The following PRIM2 variants were observed in gnomAD, a reference collection of about 807,000 sequenced individuals.
The protein encoded by PRIM2 is DNA primase subunit 2, also known as DNA primase large subunit.
PRIM2 carries 39 observed loss-of-function variants against 67.3 expected under a neutral mutation model. The ratio of observed to expected loss-of-function variants is 0.58; its 90% confidence interval spans 0.45 to 0.76. The LOEUF (loss-of-function observed/expected upper bound fraction) is 0.76, where lower values mean the gene tolerates loss of function less well. Among genes scored for constraint, PRIM2 ranks in the 30% least tolerant of loss-of-function variants. PRIM2 has a pLI of 0.00. For missense variants in PRIM2, 398 were observed against 598.7 expected, an observed-to-expected ratio of 0.66 and a Z score of 3.50; for synonymous variants, 143 against 198.7, an observed-to-expected ratio of 0.72 and a Z score of 2.36.
At position 57,481,110 on chromosome 6, in the gene PRIM2, C is replaced by T. The variant is rs1419560963; in HGVS notation, c.694-26277C>T. Among the ~76,000 whole-genome samples the T allele has an allele frequency of 6.5e-4, 99 of 152,284 alleles. No individual in the cohort carries two copies. The Middle Eastern group carries it at 0.01, about 16-fold the overall frequency. On this transcript the variant is annotated intron_variant, in intron 7 of 13. Transcript: ENST00000615550. Reference sequence around the variant, plus strand: ...TCTTACATTAACTATATTATAATATCAAAACCAAGAAGTTTACACTGGTAC... The same window carrying T: ...TCTTACATTAACTATATTATAATATTAAAACCAAGAAGTTTACACTGGTAC...
intron 7 of PRIM2, among the ~76,000 whole-genome samples, chr6:57,417,933 T>A (rs950173701): frequency 9.2e-5 from 14 of 152,284 alleles, no homozygotes; most frequent in Admixed American, 4.6e-4. Context: ...TTGGCAAGTA[T>A]ATGTGCAGCC....
chr6:57,507,685 A>G (rs1774278569), intron 8 of PRIM2, among the ~76,000 whole-genome samples: 1 of 152,170 alleles, frequency 6.6e-6, no homozygotes, highest in Non-Finnish European at 1.5e-5. Flanking sequence ...GAACTGCTTG[A>G]TAAGTTTAAG....
chr6:57,521,393 T>TTA (rs1554348911), intron 8 of PRIM2, among the ~76,000 whole-genome samples: 4 of 132,788 alleles, frequency 3.0e-5, no homozygotes, highest in Admixed American at 7.4e-5. Flanking sequence ...TTTTTTTTTT[T>TTA]AACACCCTAA....
chr6:57,354,848 G>GA (rs1768973689), intron 5 of PRIM2, among the ~76,000 whole-genome samples: 1 of 152,220 alleles, frequency 6.6e-6, no homozygotes, highest in Non-Finnish European at 1.5e-5. Flanking sequence ...AACTTTGTTT[G>GA]GCTTTTTTAT....
Position 57,409,794 on chromosome 6 carries a change from A to G in PRIM2, c.693+27626A>G, listed in dbSNP as rs1383076108. ...AACAATGTCTTTTGAAGAGCAACAA[A>G]GTTTTACAATTTGATTCAGTCTATT... On this transcript the variant is annotated intron_variant, in intron 7 of 13. Coordinates refer to ENST00000615550, the MANE Select transcript of PRIM2 (RefSeq NM_000947.5). Among the ~76,000 whole-genome samples the G allele has an allele frequency of 2.7e-5, 4 of 149,782 alleles. No homozygotes were observed. In the South Asian group the frequency reaches 8.6e-4, roughly 32 times the overall value.
chr6:57,259,353 AG>A, the PRIM2 span, among the ~76,000 whole-genome samples: 4 of 61,848 alleles, frequency 6.5e-5, no homozygotes, highest in African/African-American at 2.0e-4. Context: ...TCCTGGGACC[AG>A]TAGGTTGCCC....
intron 5 of PRIM2, among the ~76,000 whole-genome samples, chr6:57,361,880 G>A (rs1433874202): frequency 6.6e-6 from 1 of 151,490 alleles, no homozygotes; most frequent in African/African-American, 2.4e-5. Flanking sequence ...TATTTAATAT[G>A]GTCTACAAGG....
At chr6:57,580,278 A>G (rs1233148326) in intron 10 of PRIM2, among the ~76,000 whole-genome samples, 4 of 152,246 alleles carry the variant, frequency 2.6e-5, no homozygotes, top group African/African-American at 7.2e-5. Flanking sequence ...TGAAAGTTTT[A>G]AAACCTTAGA....
At chr6:57,395,465 G>C (rs545896252) in intron 7 of PRIM2, among the ~76,000 whole-genome samples, 106 of 152,188 alleles carry the variant, frequency 7.0e-4, no homozygotes, top group African/African-American at 2.5e-3. Context: ...GTTCATAGTA[G>C]CCTAGAATGA....
chr6:57,596,033 C>T (rs1180147328), intron 10 of PRIM2, among the ~76,000 whole-genome samples: 1 of 151,790 alleles, frequency 6.6e-6, no homozygotes, highest in African/African-American at 2.4e-5. Context: ...TTATCAATGC[C>T]CAGGGAGTTC....
At chr6:57,287,866 G>A in the PRIM2 span, among the ~76,000 whole-genome samples, 1 of 152,112 alleles carries the variant, frequency 6.6e-6, no homozygotes, top group Non-Finnish European at 1.5e-5. Context: ...TGACACAGAA[G>A]ACGGGTGATT....
At chr6:57,352,983 A>T (rs1220114921) in intron 5 of PRIM2, among the ~76,000 whole-genome samples, 4 of 151,438 alleles carry the variant, frequency 2.6e-5, no homozygotes, top group Admixed American at 2.0e-4. Context: ...TAGAATTTTA[A>T]TTTTTTTTTA....
At chr6:57,508,116 T>C (rs1291111964) in intron 8 of PRIM2, among the ~76,000 whole-genome samples, 1 of 152,120 alleles carries the variant, frequency 6.6e-6, no homozygotes, top group African/African-American at 2.4e-5. Context: ...TTTGTTTTTT[T>C]AGTAGAGACA....
rs369673115 is a variant in PRIM2 at position 57,345,506 on chromosome 6, G to GTGTGTGTGTGTGTGTGTGTGTGTGTACA, written c.459+19462_459+19463insGTGTGTGTGTGTGTGTGTGTGTGTACAT. Among the ~76,000 whole-genome samples the GTGTGTGTGTGTGTGTGTGTGTGTGTACA allele has an allele frequency of 2.1e-3, 260 of 122,158 alleles. 3 individuals are homozygous for GTGTGTGTGTGTGTGTGTGTGTGTGTACA. The highest frequency in any genetic ancestry group is 8.1e-3 in the African/African-American group (244 of 30,044). The allele number at this position is 122,158 out of a possible 152,430, so 80.1% of individuals were successfully genotyped here. ...TGTGTGTGTGTGTGTGTGTGTGTGT[G>GTGTGTGTGTGTGTGTGTGTGTGTGTACA]TACATACATATATATTTATATCCTC... On this transcript the variant is annotated intron_variant, in intron 5 of 13. Transcript: ENST00000615550.
intron 7 of PRIM2, among the ~76,000 whole-genome samples, chr6:57,504,724 T>C (rs1248285618): frequency 1.3e-5 from 2 of 152,308 alleles, no homozygotes; most frequent in South Asian, 4.1e-4. Context: ...TAAAACATAG[T>C]TGGAAGCCAA....
At chr6:57,319,938 G>C (rs1052730352) in intron 2 of PRIM2, among the ~76,000 whole-genome samples, 5 of 152,132 alleles carry the variant, frequency 3.3e-5, no homozygotes, top group Non-Finnish European at 5.9e-5. Flanking sequence ...GATTGATATG[G>C]TGCTTTAGGA....
the PRIM2 span, among the ~76,000 whole-genome samples, chr6:57,266,464 A>AT: frequency 3.9e-5 from 6 of 152,250 alleles, no homozygotes; most frequent in African/African-American, 7.2e-5. Flanking sequence ...CAGCTCGACA[A>AT]TTTTTTTGCA....
the PRIM2 span, among the ~76,000 whole-genome samples, chr6:57,299,419 G>T: frequency 1.3e-5 from 2 of 152,244 alleles, no homozygotes; most frequent in East Asian, 3.9e-4. Flanking sequence ...TATACCCATG[G>T]TTCTTTCTTT....
intron 11 of PRIM2, 75 bp from the exon 12 acceptor site, chr6:57,606,300 T>C (rs1776560936): frequency 1.7e-6 from 2 of 1,180,148 alleles, no homozygotes; most frequent in Non-Finnish European, 2.5e-6. Context: ...GCTTAGATGG[T>C]CTCTCGAGTG....
Sources: gnomAD v4.1 joint callset for allele counts (sites outside exome capture counted in the v4.1 genomes callset) on GRCh38, gnomAD v4.1.1 for gene constraint, MANE v1.5 for transcripts, NCBI Gene and HGNC (gene_info 2026-07-23, HGNC 2026-07-21) for gene names.